AFF2: variants seen among roughly 807,000 people sequenced by gnomAD.
AFF2 encodes the protein ALF transcription elongation factor 2.
In AFF2, 14 loss-of-function variants were observed where a neutral mutation model predicts 76.9. That is an observed-to-expected ratio of 0.18 (90% CI 0.12 to 0.28). The LOEUF is 0.28. Among genes scored for constraint, AFF2 ranks in the 10% least tolerant of loss-of-function variants. The pLI, the probability that AFF2 is intolerant of heterozygous loss-of-function variation, is 1.00. For missense variants in AFF2, 868 were observed against 1,001.1 expected, an observed-to-expected ratio of 0.87 and a Z score of 1.79; for synonymous variants, 398 against 366.7, an observed-to-expected ratio of 1.09 and a Z score of -0.98.
intron 1 of AFF2, among the ~76,000 whole-genome samples, chrX:148,614,942 G>A (rs1557250133): frequency 9.2e-6 from 1 of 108,377 alleles, no homozygotes; most frequent in African/African-American, 3.4e-5. Context: ...ATGACTCTAT[G>A]CAAGAGAAAG....
At chrX:148,592,547 T>C (rs1250101465) in intron 1 of AFF2, among the ~76,000 whole-genome samples, 1 of 111,796 alleles carries the variant, frequency 8.9e-6, no homozygotes, top group Middle Eastern at 4.2e-3. Context: ...ATAAATATTT[T>C]TTATGGGGCA....
At chrX:148,697,818 G>A (rs1267056351) in intron 3 of AFF2, among the ~76,000 whole-genome samples, 1 of 111,825 alleles carries the variant, frequency 8.9e-6, no homozygotes, top group Non-Finnish European at 1.9e-5. Context: ...TCCAGCCCAG[G>A]GCTCTGAGCC....
intron 1 of AFF2, among the ~76,000 whole-genome samples, chrX:148,593,249 T>C (rs1477140694): frequency 1.8e-5 from 2 of 112,361 alleles, no homozygotes; most frequent in Non-Finnish European, 3.8e-5. Flanking sequence ...TTAACACTTT[T>C]TATAATTAGT....
At chrX:148,518,230 G>A (rs782234658) in intron 1 of AFF2, among the ~76,000 whole-genome samples, 9 of 111,260 alleles carry the variant, frequency 8.1e-5, no homozygotes, top group Non-Finnish European at 1.7e-4. Context: ...GTCTTGGCAC[G>A]GGAGTGTGGA....
chrX:148,698,384 T>G (rs1291028930), intron 3 of AFF2, among the ~76,000 whole-genome samples: 2 of 112,597 alleles, frequency 1.8e-5, no homozygotes, highest in African/African-American at 6.5e-5. Context: ...ATAGCCACAG[T>G]GCAATTTTGC....
chrX:148,932,887 A>G (rs1290259817), intron 9 of AFF2, among the ~76,000 whole-genome samples: 1 of 112,704 alleles, frequency 8.9e-6, no homozygotes, highest in East Asian at 2.8e-4. Flanking sequence ...AACTAGAGAT[A>G]CAGCAAAAAA....
chrX:148,743,934 A>G (rs1372270814), intron 3 of AFF2, among the ~76,000 whole-genome samples: 1 of 111,168 alleles, frequency 9.0e-6, no homozygotes, highest in Admixed American at 9.6e-5. Context: ...GGGGGCAGAA[A>G]CATAAGTAAA....
chrX:148,826,719 G>A (rs1159150870), intron 4 of AFF2, among the ~76,000 whole-genome samples: 1 of 111,554 alleles, frequency 9.0e-6, no homozygotes, highest in Non-Finnish European at 1.9e-5. Flanking sequence ...CTGTTAATAT[G>A]GAATACAGAT....
chrX:148,518,229 CG>C (rs2052559747), intron 1 of AFF2, among the ~76,000 whole-genome samples: 1 of 111,137 alleles, frequency 9.0e-6, no homozygotes, highest in African/African-American at 3.3e-5. Flanking sequence ...GGTCTTGGCA[CG>C]GGAGTGTGGA....
chrX:148,852,638 T>A (rs923078512), intron 7 of AFF2, among the ~76,000 whole-genome samples: 5 of 111,223 alleles, frequency 4.5e-5, no homozygotes, highest in African/African-American at 1.6e-4. Context: ...TCTTGGGTAA[T>A]TGCAACCACC....
At chrX:148,561,247 A>T (rs782055617) in intron 1 of AFF2, among the ~76,000 whole-genome samples, 1 of 112,119 alleles carries the variant, frequency 8.9e-6, no homozygotes, top group Non-Finnish European at 1.9e-5. Context: ...CATTTCAACA[A>T]TTTTCCTAAA....
chrX:148,701,693 C>T (rs1569553631), intron 3 of AFF2, among the ~76,000 whole-genome samples: 1 of 112,306 alleles, frequency 8.9e-6, no homozygotes, highest in Non-Finnish European at 1.9e-5. Context: ...TTATTGGGAA[C>T]ACATTGTGGT....
At chrX:148,909,030 G>A (rs2071440480) in intron 9 of AFF2, among the ~76,000 whole-genome samples, 1 of 111,771 alleles carries the variant, frequency 8.9e-6, no homozygotes, top group Admixed American at 9.5e-5. Context: ...GCAGAAAAAA[G>A]CATTAAGCTT....
At chrX:148,771,848 G>A (rs1343495538) in intron 3 of AFF2, among the ~76,000 whole-genome samples, 1 of 111,763 alleles carries the variant, frequency 8.9e-6, no homozygotes, top group African/African-American at 3.2e-5. Context: ...AGATTTTAAA[G>A]GGTGTAATTT....
chrX:148,795,988 G>A (rs2069977069), intron 3 of AFF2, among the ~76,000 whole-genome samples: 2 of 101,249 alleles, frequency 2.0e-5, no homozygotes, highest in African/African-American at 7.1e-5. Flanking sequence ...TGCACACTAA[G>A]TATTACTAAT....
At chrX:148,548,513 C>T (rs982486897) in intron 1 of AFF2, among the ~76,000 whole-genome samples, 11 of 111,966 alleles carry the variant, frequency 9.8e-5, no homozygotes, top group Admixed American at 9.5e-4. Context: ...TGGCTCACTG[C>T]AGCCTCCGCC....
intron 1 of AFF2, among the ~76,000 whole-genome samples, chrX:148,567,087 C>T (rs1557241751): frequency 1.8e-5 from 2 of 111,741 alleles, no homozygotes; most frequent in African/African-American, 3.3e-5. Context: ...TGGCAAATAG[C>T]AGGAAGTCAA....
At chrX:148,762,229 A>G (rs2069455861) in intron 3 of AFF2, among the ~76,000 whole-genome samples, 1 of 109,000 alleles carries the variant, frequency 9.2e-6, no homozygotes, top group Non-Finnish European at 1.9e-5. Context: ...CCCAGAGTTC[A>G]TTGTATCATT....
intron 2 of AFF2, among the ~76,000 whole-genome samples, chrX:148,656,535 T>TGTC (rs1422227598): frequency 2.1e-5 from 2 of 94,002 alleles, no homozygotes; most frequent in African/African-American, 8.2e-5. Context: ...AGTCTCGCTC[T>TGTC]GTCGCCCAGG....
Sources: gnomAD v4.1 joint callset for allele counts (sites outside exome capture counted in the v4.1 genomes callset) on GRCh38, gnomAD v4.1.1 for gene constraint, MANE v1.5 for transcripts, NCBI Gene and HGNC (gene_info 2026-07-23, HGNC 2026-07-21) for gene names.